Variants in ERN1 observed in about 807,000 individuals in gnomAD.
The protein encoded by ERN1 is endoplasmic reticulum to nucleus signaling 1.
A neutral mutation model predicts 113.1 loss-of-function variants in ERN1; 39 were observed. That is an observed-to-expected ratio of 0.34 (90% CI 0.27 to 0.45). The LOEUF (loss-of-function observed/expected upper bound fraction) is 0.45, where lower values mean the gene tolerates loss of function less well. Among genes scored for constraint, ERN1 ranks in the 20% least tolerant of loss-of-function variants. The pLI is 1.00. For synonymous variants in ERN1, 507 were observed against 515.9 expected, an observed-to-expected ratio of 0.98 and a Z score of 0.23; for missense variants, 976 against 1,274.8, an observed-to-expected ratio of 0.77 and a Z score of 3.57.
At chr17:64,078,643 T>C (rs184617777) in intron 4 of ERN1, among the ~76,000 whole-genome samples, 2 of 152,324 alleles carry the variant, frequency 1.3e-5, no homozygotes, top group East Asian at 1.9e-4. Context: ...ATATGTGTTG[T>C]AGGGGGGTAG....
intron 2 of ERN1, among the ~76,000 whole-genome samples, chr17:64,089,756 G>A (rs1031665064): frequency 6.6e-6 from 1 of 152,032 alleles, no homozygotes; most frequent in Non-Finnish European, 1.5e-5. Context: ...ACTGAGCCCT[G>A]TCTAGATAAA....
chr17:64,074,339 A>G (rs1197546500), intron 5 of ERN1, among the ~76,000 whole-genome samples: 3 of 152,328 alleles, frequency 2.0e-5, no homozygotes, highest in Non-Finnish European at 1.5e-5. Context: ...AGTGACATGG[A>G]TGGTCAGAAG....
chr17:64,109,083 C>G (rs1430840652), intron 1 of ERN1, among the ~76,000 whole-genome samples: 6 of 151,740 alleles, frequency 4.0e-5, no homozygotes, highest in Non-Finnish European at 7.4e-5. Context: ...GAGATCGCAC[C>G]ATTGCACTCC....
chr17:64,053,506 C>T (rs1912756517), intron 15 of ERN1, 135 bp from the exon 16 acceptor site: 1 of 503,256 alleles, frequency 2.0e-6, no homozygotes, highest in Non-Finnish European at 3.2e-6. Flanking sequence ...CCATGTTTTC[C>T]AGCAAGGAGC....
At chr17:64,052,265 A>T (rs1030277220) in intron 17 of ERN1, among the ~76,000 whole-genome samples, 5 of 152,234 alleles carry the variant, frequency 3.3e-5, no homozygotes, top group African/African-American at 9.6e-5. Context: ...ACAAAATTTT[A>T]AAAATAATGA....
Position 64,065,405 on chromosome 17 carries a change from T to C in ERN1, c.843-118A>G, listed in dbSNP as rs995730720. 4.3e-6 allele frequency: 3 copies of C among 697,686 alleles called. No individual in the cohort carries two copies. The South Asian group carries it at 5.7e-5, about 13-fold the overall frequency. 43.2% of individuals were successfully genotyped at this position (697,686 alleles called of 1,614,324 possible). ...GATGACCACATTAACCCCCCAGACA[T>C]GGAGGAACGCAGTAGGGGTGTGAAG... On this transcript the variant is annotated intron_variant, in intron 8 of 21. Transcript: ENST00000433197.
chr17:64,060,721 G>GA, intron 10 of ERN1, 134 bp from the exon 11 acceptor site: 1 of 640,702 alleles, frequency 1.6e-6, no homozygotes, highest in Non-Finnish European at 2.8e-6. Context: ...GTGAGTTAGA[G>GA]AAAATGAGTG....
At chr17:64,098,040 G>A in intron 2 of ERN1, 81 bp downstream of exon 2, 1 of 1,530,700 alleles carries the variant, frequency 6.5e-7, no homozygotes, top group South Asian at 1.2e-5. Flanking sequence ...AATGAGTAAT[G>A]TTTTCTCTTT....
rs1912313316 is a variant in ERN1, at chr17:64,040,818, G to C, written c.*3170C>G. 6.6e-6 allele frequency: 1 copy of C among 152,214 alleles called. No homozygotes were observed. The highest frequency in any genetic ancestry group is 1.5e-5 in the Non-Finnish European group (1 of 68,042). The allele number at this position is 152,214 out of a possible 1,614,324, so 9.4% of individuals were successfully genotyped here. A position where few individuals can be genotyped will look rare whatever the true frequency, so the allele number is the denominator to read the frequency against. ...ATGCCAGTGTTCCCCAGGTGAAAATGTTTTGGTGCCTAATGACTTGTGGAG... is the reference window on the plus strand; with the variant it reads ...ATGCCAGTGTTCCCCAGGTGAAAATCTTTTGGTGCCTAATGACTTGTGGAG... On this transcript the variant is annotated 3_prime_UTR_variant, in exon 22 of 22. Transcript: ENST00000433197.
Position 64,075,159 on chromosome 17 carries a change from A to T in ERN1, c.355+16T>A, listed in dbSNP as rs776135076. ...ACATCAAAGAGACACAAGTTTCTGGAGACAGGAACTCTTACCCATGTAGAG... is the reference window on the plus strand; with the variant it reads ...ACATCAAAGAGACACAAGTTTCTGGTGACAGGAACTCTTACCCATGTAGAG... On this transcript the variant is annotated intron_variant, in intron 5 of 21. Transcript: ENST00000433197. 37 of 1,537,494 alleles carry T rather than the reference A, an allele frequency of 2.4e-5. No individual in the cohort carries two copies. Among genetic ancestry groups the T allele is most frequent in the Non-Finnish European group, 3.3e-5 (37 of 1,135,344 alleles).
At position 64,065,291 on chromosome 17, in the gene ERN1, G is replaced by C. The variant is rs376858635; in HGVS notation, c.843-4C>G. 6.3e-7 allele frequency: 1 copy of C among 1,592,620 alleles called. No individual in the cohort carries two copies. The highest frequency in any genetic ancestry group is 1.3e-5 in the African/African-American group (1 of 74,346). On this transcript the variant is annotated splice_polypyrimidine_tract_variant and splice_region_variant and intron_variant, in intron 8 of 21. Coordinates refer to ENST00000433197, the MANE Select transcript of ERN1 (RefSeq NM_001433.5). ...TTTCCCAACATACAGAGTGGGCCTA[G>C]GAGAAAAACAGATACATGCATTCCA...
At chr17:64,053,958 T>G in intron 15 of ERN1, 2 of 304,958 alleles carry the variant, frequency 6.6e-6, no homozygotes, top group Admixed American at 9.3e-5. Context: ...TTTTTTTAAT[T>G]TGACGGGGTC....
chr17:64,051,763 T>A (rs1012683227), intron 17 of ERN1, among the ~76,000 whole-genome samples: 3 of 152,076 alleles, frequency 2.0e-5, no homozygotes, highest in Non-Finnish European at 4.4e-5. Context: ...CCAGTAGGTA[T>A]CAAAACCCAG....
intron 1 of ERN1, among the ~76,000 whole-genome samples, chr17:64,127,971 T>C (rs1315566193): frequency 1.3e-5 from 2 of 151,912 alleles, no homozygotes; most frequent in Non-Finnish European, 2.9e-5. Flanking sequence ...GTAAAAACCC[T>C]TGGGAGAAAA....
At chr17:64,090,305 C>A (rs1169036292) in intron 2 of ERN1, among the ~76,000 whole-genome samples, 1 of 152,180 alleles carries the variant, frequency 6.6e-6, no homozygotes, top group Non-Finnish European at 1.5e-5. Flanking sequence ...CAAAGACGAT[C>A]ACATAGAAAT....
intron 2 of ERN1, among the ~76,000 whole-genome samples, chr17:64,093,887 A>G (rs1914156869): frequency 6.6e-6 from 1 of 152,240 alleles, no homozygotes; most frequent in Non-Finnish European, 1.5e-5. Context: ...TGGTATCCGT[A>G]GGGAGAGCAC....
chr17:64,053,995 A>G (rs756980807), intron 15 of ERN1: 8 of 413,518 alleles, frequency 1.9e-5, no homozygotes, highest in Non-Finnish European at 3.1e-5. Context: ...GCTGGAGTGC[A>G]GTGGCACAAT....
At chr17:64,121,952 G>A (rs1293714967) in intron 1 of ERN1, among the ~76,000 whole-genome samples, 1 of 151,980 alleles carries the variant, frequency 6.6e-6, no homozygotes, top group Non-Finnish European at 1.5e-5. Context: ...GATTCTTAAC[G>A]GAGGAAAAAT....
At chr17:64,055,534 G>C (rs1912831644) in intron 13 of ERN1, 141 bp downstream of exon 13, 2 of 811,594 alleles carry the variant, frequency 2.5e-6, no homozygotes, top group African/African-American at 1.8e-5. Context: ...CCTTCCCACA[G>C]AGACCCCCAG....
Sources: gnomAD v4.1 joint callset for allele counts (sites outside exome capture counted in the v4.1 genomes callset) on GRCh38, gnomAD v4.1.1 for gene constraint, MANE v1.5 for transcripts, NCBI Gene and HGNC (gene_info 2026-07-23, HGNC 2026-07-21) for gene names.